Variants in CLSTN2 observed in about 807,000 individuals in gnomAD.
The protein encoded by CLSTN2 is calsyntenin-2.
CLSTN2 carries 48 observed loss-of-function variants against 101.2 expected under a neutral mutation model. The ratio of observed to expected loss-of-function variants is 0.47; its 90% confidence interval spans 0.38 to 0.60. The LOEUF is 0.60. CLSTN2 is among the 20% of genes least tolerant of loss of function. CLSTN2 has a pLI of 0.00. For missense variants in CLSTN2, 1,160 were observed against 1,238.2 expected, an observed-to-expected ratio of 0.94 and a Z score of 0.95; for synonymous variants, 481 against 463.6, an observed-to-expected ratio of 1.04 and a Z score of -0.48.
chr3:140,484,497 T>C (rs1340087951), intron 8 of CLSTN2, among the ~76,000 whole-genome samples: 1 of 152,188 alleles, frequency 6.6e-6, no homozygotes, highest in Non-Finnish European at 1.5e-5. Flanking sequence ...TTTCCTGAAT[T>C]TGAATGTTGG....
At chr3:140,365,955 G>A (rs1451869307) in intron 2 of CLSTN2, among the ~76,000 whole-genome samples, 4 of 152,188 alleles carry the variant, frequency 2.6e-5, no homozygotes, top group African/African-American at 4.8e-5. Context: ...GCTCCAGGGC[G>A]TCTCCTCACT....
At chr3:139,937,197 GC>G (rs947810213) in intron 1 of CLSTN2, among the ~76,000 whole-genome samples, 9 of 152,120 alleles carry the variant, frequency 5.9e-5, no homozygotes, top group African/African-American at 2.2e-4. Flanking sequence ...AGGGTGAGAA[GC>G]ACACAGCAAG....
intron 2 of CLSTN2, among the ~76,000 whole-genome samples, chr3:140,261,838 A>G (rs1006854790): frequency 2.6e-5 from 4 of 152,116 alleles, no homozygotes; most frequent in Non-Finnish European, 4.4e-5. Context: ...ACAGTAGGAG[A>G]CCTGGTTCCT....
At chr3:140,436,022 T>C (rs1293552475) in intron 5 of CLSTN2, among the ~76,000 whole-genome samples, 2 of 152,226 alleles carry the variant, frequency 1.3e-5, no homozygotes, top group Non-Finnish European at 2.9e-5. Context: ...TTCTGTGAGT[T>C]GTCTCTTCAC....
At chr3:139,962,357 A>G (rs910781213) in intron 1 of CLSTN2, among the ~76,000 whole-genome samples, 1 of 152,172 alleles carries the variant, frequency 6.6e-6, no homozygotes, top group African/African-American at 2.4e-5. Context: ...CCATCAAGAC[A>G]TCATCACAAC....
chr3:140,542,845 A>AGT (rs1559899807), intron 9 of CLSTN2, among the ~76,000 whole-genome samples: 1 of 152,054 alleles, frequency 6.6e-6, no homozygotes, highest in East Asian at 1.9e-4. Flanking sequence ...GGGTTAGAAG[A>AGT]TAGATCCTAA....
At chr3:140,086,093 T>G (rs546198247) in intron 1 of CLSTN2, among the ~76,000 whole-genome samples, 5 of 152,230 alleles carry the variant, frequency 3.3e-5, no homozygotes, top group Non-Finnish European at 7.3e-5. Flanking sequence ...CTGCCTTCCT[T>G]ATGAATATTT....
At chr3:140,078,234 C>T (rs192629329) in intron 1 of CLSTN2, among the ~76,000 whole-genome samples, 1 of 152,268 alleles carries the variant, frequency 6.6e-6, no homozygotes, top group Admixed American at 6.5e-5. Context: ...TTCATTGGTG[C>T]TTGACTTACC....
intron 9 of CLSTN2, among the ~76,000 whole-genome samples, chr3:140,534,098 C>T (rs1316853114): frequency 6.6e-6 from 1 of 152,144 alleles, no homozygotes; most frequent in Non-Finnish European, 1.5e-5. Context: ...TTTAGTATAG[C>T]AGGGCAGTGA....
intron 8 of CLSTN2, among the ~76,000 whole-genome samples, chr3:140,520,597 C>G (rs1483685236): frequency 6.6e-6 from 1 of 152,168 alleles, no homozygotes. Flanking sequence ...GATTATAATT[C>G]ACGATGAGAT....
At chr3:140,163,338 C>A (rs1052097085) in intron 1 of CLSTN2, among the ~76,000 whole-genome samples, 3 of 151,824 alleles carry the variant, frequency 2.0e-5, no homozygotes, top group African/African-American at 7.3e-5. Flanking sequence ...GGGTTTTCAG[C>A]CTGCAGGCCT....
chr3:140,542,075 T>G (rs1354160181), intron 9 of CLSTN2, among the ~76,000 whole-genome samples: 1 of 152,198 alleles, frequency 6.6e-6, no homozygotes, highest in Non-Finnish European at 1.5e-5. Context: ...AAGGATTAAG[T>G]AAAATAGCAT....
intron 2 of CLSTN2, among the ~76,000 whole-genome samples, chr3:140,221,378 T>TA (rs1471293628): frequency 6.6e-6 from 1 of 152,102 alleles, no homozygotes; most frequent in Non-Finnish European, 1.5e-5. Context: ...GGGTGCTACA[T>TA]AATATAAATT....
intron 2 of CLSTN2, among the ~76,000 whole-genome samples, chr3:140,383,772 G>T (rs1473673455): frequency 6.6e-6 from 1 of 152,172 alleles, no homozygotes; most frequent in Non-Finnish European, 1.5e-5. Flanking sequence ...GTAAGAGGTA[G>T]CATAAGGGTA....
At chr3:139,943,604 C>T (rs184243915) in intron 1 of CLSTN2, among the ~76,000 whole-genome samples, 16 of 152,274 alleles carry the variant, frequency 1.1e-4, no homozygotes, top group Non-Finnish European at 1.8e-4. Flanking sequence ...AGGCAACAGA[C>T]GATACCACCA....
intron 1 of CLSTN2, among the ~76,000 whole-genome samples, chr3:139,976,502 G>T (rs369477178): frequency 1.3e-5 from 2 of 152,322 alleles, no homozygotes; most frequent in South Asian, 2.1e-4. Context: ...GAGGCTCAGG[G>T]ACTTTAAACA....
At chr3:140,389,877 C>A (rs1358257468) in intron 2 of CLSTN2, among the ~76,000 whole-genome samples, 1 of 152,072 alleles carries the variant, frequency 6.6e-6, no homozygotes, top group Non-Finnish European at 1.5e-5. Flanking sequence ...CTCTAATGAT[C>A]GATGATGTTG....
chr3:140,546,807 G>GAC, intron 10 of CLSTN2, 126 bp downstream of exon 10: 1 of 881,020 alleles, frequency 1.1e-6, no homozygotes, highest in Admixed American at 3.1e-5. Flanking sequence ...ACAAGGCAAA[G>GAC]GTGCAGCCAC....
intron 2 of CLSTN2, among the ~76,000 whole-genome samples, chr3:140,258,480 C>T (rs2086622321): frequency 1.3e-5 from 2 of 152,172 alleles, no homozygotes; most frequent in Admixed American, 1.3e-4. Context: ...TCTTCTGGCT[C>T]TCCTTAGTCA....
Sources: gnomAD v4.1 joint callset for allele counts (sites outside exome capture counted in the v4.1 genomes callset) on GRCh38, gnomAD v4.1.1 for gene constraint, MANE v1.5 for transcripts, NCBI Gene and HGNC (gene_info 2026-07-23, HGNC 2026-07-21) for gene names.